BRAT1: variants seen among roughly 807,000 people sequenced by gnomAD.
BRAT1 encodes the protein integrator complex assembly factor BRAT1.
Under a neutral mutation model 70.6 loss-of-function variants are expected in BRAT1, and 74 were observed. The observed-to-expected ratio is 1.05, with a 90% CI of 0.87 to 1.27. BRAT1 has a LOEUF of 1.27. Among genes scored for constraint, BRAT1 ranks in the 50% most tolerant of loss-of-function variants. BRAT1 has a pLI of 0.00. For missense variants in BRAT1, 1,203 were observed against 1,098.2 expected (o/e 1.10, Z -1.35); for synonymous variants, 615 against 517.1 (o/e 1.19, Z -2.57).
At chr7:2,540,745 C>T (rs1166658841) in intron 10 of BRAT1, 2 of 432,606 alleles carry the variant, frequency 4.6e-6, no homozygotes, top group East Asian at 3.6e-5. Context: ...CTGACCAGTG[C>T]CCCTGCTCCC....
chr7:2,538,771 G>C lies in BRAT1; in HGVS notation c.1771-7C>G. Reference sequence around the variant, plus strand: ...GGAGCTCCAGGAACAGGCTCTGGGGGACAGGGAGCAAGTGCGGATGGTTGG... The same window carrying C: ...GGAGCTCCAGGAACAGGCTCTGGGGCACAGGGAGCAAGTGCGGATGGTTGG... On this transcript the variant is annotated splice_polypyrimidine_tract_variant and splice_region_variant and intron_variant, in intron 13 of 13. Coordinates refer to ENST00000340611, the MANE Select transcript of BRAT1 (RefSeq NM_152743.4). 1 of 1,598,164 alleles carries C rather than the reference G, an allele frequency of 6.3e-7. No individual in the cohort carries two copies. The highest frequency in any genetic ancestry group is 8.5e-7 in the Non-Finnish European group (1 of 1,179,790).
At chr7:2,539,758 C>G (rs753735820) in intron 11 of BRAT1, 28 bp downstream of exon 11, 1 of 1,592,262 alleles carries the variant, frequency 6.3e-7, no homozygotes, top group African/African-American at 1.3e-5. Flanking sequence ...ACTCCAGCTC[C>G]GTTCACCCCT....
rs1778857899 is a variant in BRAT1, at chr7:2,538,429, G to A, written c.2106C>T (p.Asp702=). The part of the protein sequence containing the change: ...LRALCHVGLF[D]FAFCALFDCD... ...AGTCAAACAAGGCACAAAAGGCGAA[G>A]TCAAAGAGCCCCACGTGGCAGAGAG... Residue 702 remains aspartate, a synonymous_variant, in exon 14 of 14, where the codon GAC becomes GAT. Transcript: ENST00000340611. The A allele has an allele frequency of 1.9e-6, 3 of 1,613,308 alleles. No homozygotes were observed. Among genetic ancestry groups the A allele is most frequent in the Admixed American group, 1.7e-5 (1 of 60,010 alleles).
chr7:2,553,300 G>A (rs1780173185), intron 2 of BRAT1, among the ~76,000 whole-genome samples: 1 of 152,178 alleles, frequency 6.6e-6, no homozygotes, highest in African/African-American at 2.4e-5. Context: ...CAAAGTGATG[G>A]GATTACAAGC....
At position 2,541,046 on chromosome 7, in the gene BRAT1, TG is replaced by T; in HGVS notation, c.1327del (p.Gln443ArgfsTer4). The T allele has an allele frequency of 6.4e-7, 1 of 1,567,194 alleles. No individual in the cohort carries two copies. The highest frequency in any genetic ancestry group is 8.6e-7 in the Non-Finnish European group (1 of 1,166,066). On this transcript the variant is annotated frameshift_variant, in exon 10 of 14. Transcript: ENST00000340611. LOFTEE classifies it high-confidence loss of function. ...LGTLSQGTGP[Q>X]ELVTQALAVL... Reference sequence around the variant, plus strand: ...AGCAAGCGCCTGCGTCACCAGCTCCTGGGGGCCTGAGACAGAGGTGAGTGGA... The same window carrying T: ...AGCAAGCGCCTGCGTCACCAGCTCCTGGGGCCTGAGACAGAGGTGAGTGGA...
chr7:2,547,909 C>T (rs1367323553), intron 2 of BRAT1, among the ~76,000 whole-genome samples: 1 of 152,006 alleles, frequency 6.6e-6, no homozygotes, highest in Non-Finnish European at 1.5e-5. Context: ...ATGGCGAAGT[C>T]CCATCTCTAC....
intron 2 of BRAT1, among the ~76,000 whole-genome samples, chr7:2,549,175 G>A (rs560182464): frequency 1.8e-4 from 28 of 152,170 alleles, no homozygotes; most frequent in African/African-American, 3.1e-4. Flanking sequence ...TAAAAAATCC[G>A]GTTCTCATGT....
At chr7:2,542,045 TA>T in intron 7 of BRAT1, 74 bp downstream of exon 7, 1 of 1,371,122 alleles carries the variant, frequency 7.3e-7, no homozygotes, top group Non-Finnish European at 9.8e-7. Flanking sequence ...GCGAGCCAGC[TA>T]CTCTCATCCA....
At chr7:2,540,574 A>C (rs899733080) in intron 10 of BRAT1, 1 of 180,126 alleles carries the variant, frequency 5.6e-6, no homozygotes, top group Non-Finnish European at 1.1e-5. Flanking sequence ...CTGTCTGCTC[A>C]GCGGCAGGTG....
In BRAT1 at chr7:2,548,722, G is replaced by A. The variant is rs1779791378; in HGVS notation, c.128-1244C>T. Among the ~76,000 whole-genome samples the A allele has an allele frequency of 5.3e-5, 8 of 151,110 alleles. No homozygotes were observed. The South Asian group carries it at 1.7e-3, about 32-fold the overall frequency. ...TCACGCCTGTAATCCCAGCACTTTTGAAGGCCAAGGCAGGCAGATCACGAG... is the reference window on the plus strand; with the variant it reads ...TCACGCCTGTAATCCCAGCACTTTTAAAGGCCAAGGCAGGCAGATCACGAG... On this transcript the variant is annotated intron_variant, in intron 2 of 13. Coordinates refer to ENST00000340611, the MANE Select transcript of BRAT1 (RefSeq NM_152743.4).
Position 2,539,205 on chromosome 7 carries a change from T to G in BRAT1, c.1744A>C (p.Ser582Arg). 1 of 1,609,428 alleles carries G rather than the reference T, an allele frequency of 6.2e-7. No individual in the cohort carries two copies. Among genetic ancestry groups the G allele is most frequent in the South Asian group, 1.1e-5 (1 of 90,928 alleles). Residue 582 changes from serine to arginine, a missense_variant, in exon 13 of 14, where the codon AGC (serine) becomes CGC (arginine). Physicochemically the swap from Ser to Arg is moderately radical, Grantham distance 110. Coordinates refer to ENST00000340611, the MANE Select transcript of BRAT1 (RefSeq NM_152743.4). Reference sequence around the variant, plus strand: ...TGCCGGGCCTCTGCATGCTCAGGGCTGGTGGGGGCGTGCAGGCCCTGGCTG... The same window carrying G: ...TGCCGGGCCTCTGCATGCTCAGGGCGGGTGGGGGCGTGCAGGCCCTGGCTG... ...LSSQGLHAPT[S>R]PEHAEARQSL...
At chr7:2,542,534 A>G (rs1779258024) in intron 6 of BRAT1, 2 of 138,360 alleles carry the variant, frequency 1.4e-5, no homozygotes, top group Non-Finnish European at 2.5e-5. Context: ...AGGTGTGTAC[A>G]GCGTCCACTC....
Position 2,543,196 on chromosome 7 carries a change from G to A in BRAT1, c.923+8C>T. The A allele has an allele frequency of 6.3e-7, 1 of 1,598,892 alleles. No individual in the cohort carries two copies. Among genetic ancestry groups the A allele is most frequent in the Non-Finnish European group, 8.5e-7 (1 of 1,173,010 alleles). ...CCGCCTCGGAATGAAATGCACCCCAGACCATACCAGTGCTCGAGCTTCAGG... is the reference window on the plus strand; with the variant it reads ...CCGCCTCGGAATGAAATGCACCCCAAACCATACCAGTGCTCGAGCTTCAGG... On this transcript the variant is annotated splice_region_variant and intron_variant, in intron 6 of 13. Coordinates refer to ENST00000340611, the MANE Select transcript of BRAT1 (RefSeq NM_152743.4). This position sits in a 1 kb window ranked among gnomAD's most constrained non-coding sequence, Gnocchi z 5.5.
intron 2 of BRAT1, among the ~76,000 whole-genome samples, chr7:2,550,161 T>A (rs372276711): frequency 1.6e-5 from 2 of 127,554 alleles, no homozygotes; most frequent in East Asian, 2.1e-4. Flanking sequence ...AGACCCTGTC[T>A]CCAAAAAAAA....
rs552798103 is a variant in BRAT1 at position 2,551,952 on chromosome 7, C to T, written c.127+2353G>A. Among the ~76,000 whole-genome samples, 190 of 148,566 alleles carry T rather than the reference C, an allele frequency of 1.3e-3. 2 individuals are homozygous for T. The highest frequency in any genetic ancestry group is 4.5e-3 in the African/African-American group (183 of 40,472). On this transcript the variant is annotated intron_variant, in intron 2 of 13. Coordinates refer to ENST00000340611, the MANE Select transcript of BRAT1 (RefSeq NM_152743.4). ...AACTAAAGGATACTCTTTTAAGTAA[C>T]TTGTGGGTGAAAAAAAAATTATAAT... is the stretch of plus-strand genomic sequence containing the variant.
chr7:2,544,201 T>TTTTG, intron 4 of BRAT1: 1 of 156,742 alleles, frequency 6.4e-6, no homozygotes, highest in Non-Finnish European at 1.0e-5. Context: ...CTTCTTGTTG[T>TTTTG]TTTTTTTTTT....
At position 2,543,969 on chromosome 7, in the gene BRAT1, AGGG is replaced by A. The variant is rs2128397590; in HGVS notation, c.431-10_431-8del. On this transcript the variant is annotated splice_region_variant and splice_polypyrimidine_tract_variant and intron_variant, in intron 4 of 13. Transcript: ENST00000340611. This position sits in a 1 kb window ranked among gnomAD's most constrained non-coding sequence, Gnocchi z 5.5. ...AAGATGGTGTCGACCGCACCTGGGT[AGGG>A]GATGGGGGAAGAGAGGGAAAAGGGG... The A allele has an allele frequency of 6.4e-7, 1 of 1,551,962 alleles. No individual in the cohort carries two copies. The highest frequency in any genetic ancestry group is 1.8e-5 in the Admixed American group (1 of 55,492).
intron 13 of BRAT1, 186 bp downstream of exon 13, chr7:2,538,993 A>C: frequency 2.1e-6 from 3 of 1,437,084 alleles, no homozygotes; most frequent in South Asian, 2.9e-5. Flanking sequence ...CTGGGGAGAC[A>C]GAAGGCGAAG....
chr7:2,554,153 A>G, intron 2 of BRAT1, 152 bp downstream of exon 2: 1 of 1,106,272 alleles, frequency 9.0e-7, no homozygotes, highest in Non-Finnish European at 1.3e-6. Context: ...AGTCTGCCAC[A>G]GATAATCCTT....
Sources: allele counts gnomAD v4.1 joint callset (sites outside exome capture counted in the v4.1 genomes callset), GRCh38; gene constraint gnomAD v4.1.1; non-coding constraint Gnocchi (gnomAD v3.1); transcripts MANE v1.5; gene names NCBI Gene and HGNC (gene_info 2026-07-23, HGNC 2026-07-21).